Variants in APBB2 observed in about 807,000 individuals in gnomAD.
The protein encoded by APBB2 is amyloid beta precursor protein binding family B member 2.
Under a neutral mutation model 82.5 loss-of-function variants are expected in APBB2, and 38 were observed. The ratio of observed to expected loss-of-function variants is 0.46; its 90% CI spans 0.36 to 0.60. The LOEUF is 0.60. Ranked by LOEUF, APBB2 falls within the 20% of genes least tolerant of loss-of-function variation. The probability of loss-of-function intolerance (pLI) is 0.00; values close to 1 mark genes in which losing one functional copy is unlikely to be tolerated. For synonymous variants in APBB2, 341 were observed against 368.2 expected, an observed-to-expected ratio of 0.93 and a Z score of 0.85; for missense variants, 772 against 972.3, an observed-to-expected ratio of 0.79 and a Z score of 2.74.
intron 12 of APBB2, among the ~76,000 whole-genome samples, chr4:40,863,554 C>A (rs1359733663): frequency 1.3e-5 from 2 of 152,142 alleles, no homozygotes; most frequent in East Asian, 3.9e-4. Context: ...CATGATCACA[C>A]GGACAAATGA....
intron 4 of APBB2, among the ~76,000 whole-genome samples, chr4:41,059,139 T>C (rs1371285268): frequency 6.6e-6 from 1 of 151,298 alleles, no homozygotes; most frequent in African/African-American, 2.4e-5. Flanking sequence ...AGAACACCCA[T>C]GAAGCATCAG....
At chr4:41,031,669 C>A (rs927463285) in intron 5 of APBB2, among the ~76,000 whole-genome samples, 1 of 152,154 alleles carries the variant, frequency 6.6e-6, no homozygotes, top group African/African-American at 2.4e-5. Flanking sequence ...GAGGAACACA[C>A]ATCATTTTAT....
chr4:41,025,769 A>G (rs996413916), intron 5 of APBB2, among the ~76,000 whole-genome samples: 1 of 147,854 alleles, frequency 6.8e-6, no homozygotes, highest in African/African-American at 2.5e-5. Flanking sequence ...AAATACAAAA[A>G]CTAGCTGGGT....
intron 5 of APBB2, among the ~76,000 whole-genome samples, chr4:41,028,245 A>G (rs1715275569): frequency 6.6e-6 from 1 of 152,260 alleles, no homozygotes; most frequent in Non-Finnish European, 1.5e-5. Context: ...TGGAGCGCAG[A>G]GCGCACACTC....
intron 6 of APBB2, among the ~76,000 whole-genome samples, chr4:40,998,035 T>G (rs556384855): frequency 6.6e-6 from 1 of 152,196 alleles, no homozygotes; most frequent in Non-Finnish European, 1.5e-5. Flanking sequence ...AATTTGGGTA[T>G]TGGGTAGACA....
chr4:40,830,977 C>T (rs1228705325), intron 12 of APBB2, among the ~76,000 whole-genome samples: 6 of 152,136 alleles, frequency 3.9e-5, no homozygotes, highest in Non-Finnish European at 7.3e-5. Flanking sequence ...CATGTATCTG[C>T]AGTTCCAGCT....
At chr4:40,945,765 A>C (rs540873269) in intron 6 of APBB2, among the ~76,000 whole-genome samples, 1 of 152,206 alleles carries the variant, frequency 6.6e-6, no homozygotes, top group East Asian at 1.9e-4. Context: ...GGCGCTTGCC[A>C]CCACGCCAGG....
intron 3 of APBB2, among the ~76,000 whole-genome samples, chr4:41,075,617 G>A (rs1027247117): frequency 1.3e-5 from 2 of 152,192 alleles, no homozygotes; most frequent in Non-Finnish European, 2.9e-5. Context: ...TTTTCTTCCA[G>A]CTTGGACCCA....
At chr4:41,193,139 C>T (rs1286165492) in intron 1 of APBB2, among the ~76,000 whole-genome samples, 2 of 152,186 alleles carry the variant, frequency 1.3e-5, no homozygotes, top group East Asian at 3.8e-4. Context: ...ATTTTATGCG[C>T]TAAAATTGTC....
chr4:41,112,830 A>C (rs1294013820), intron 2 of APBB2, among the ~76,000 whole-genome samples: 1 of 152,106 alleles, frequency 6.6e-6, no homozygotes. Context: ...TGTACTAAAA[A>C]TGCAAAATTA....
At chr4:40,933,095 C>T (rs1328523478) in intron 10 of APBB2, among the ~76,000 whole-genome samples, 1 of 152,220 alleles carries the variant, frequency 6.6e-6, no homozygotes, top group East Asian at 1.9e-4. Context: ...AACTCCTGAC[C>T]TCAGGTGATC....
chr4:40,997,603 T>G (rs2341573), intron 6 of APBB2, among the ~76,000 whole-genome samples: 40,380 of 152,116 alleles, frequency 0.27, 6,559 homozygotes, highest in East Asian at 0.54. Flanking sequence ...AGAGCAGAAG[T>G]TCCCAAAGGG....
Position 40,964,982 on chromosome 4 carries a change from T to A in APBB2, c.836-19909A>T, listed in dbSNP as rs565484231. Among the ~76,000 whole-genome samples, 7 of 151,964 alleles carry A rather than the reference T, an allele frequency of 4.6e-5. No homozygotes were observed. In the South Asian group the frequency reaches 1.5e-3, roughly 32 times the overall value. On this transcript the variant is annotated intron_variant, in intron 6 of 17. Transcript: ENST00000508593. The stretch of plus-strand genomic sequence containing the variant: ...AAAAATATAAAAAATTAGCTGGGCG[T>A]GGTGGCACGTGCCTGTAGTCCCAGC...
At chr4:41,014,545 T>C (rs1206627669) in intron 5 of APBB2, 147 bp from the exon 6 acceptor site, 5 of 794,640 alleles carry the variant, frequency 6.3e-6, no homozygotes, top group Admixed American at 2.5e-5. Flanking sequence ...TTCCTCTTTA[T>C]TTCACCATTT....
intron 7 of APBB2, among the ~76,000 whole-genome samples, chr4:40,943,928 A>C (rs1306233401): frequency 6.6e-6 from 1 of 152,220 alleles, no homozygotes; most frequent in Non-Finnish European, 1.5e-5. Context: ...AAGGCTTACC[A>C]CCTCCCAGAG....
intron 6 of APBB2, among the ~76,000 whole-genome samples, chr4:40,982,879 T>C (rs1425014775): frequency 6.6e-6 from 1 of 152,180 alleles, no homozygotes; most frequent in Non-Finnish European, 1.5e-5. Flanking sequence ...CCTCAACATG[T>C]GACAGGCTCC....
chr4:40,926,737 G>A lies in APBB2; in HGVS notation c.1254+7719C>T, dbSNP rs532139957. On this transcript the variant is annotated intron_variant, in intron 10 of 17. Coordinates refer to ENST00000508593, the MANE Select transcript of APBB2 (RefSeq NM_004307.2). ...AAATGATCTTAAAGCTGAGAGAAGC[G>A]ATAACTGGGAACAGGTGGGCGTGAC... Among the ~76,000 whole-genome samples the A allele has an allele frequency of 3.9e-5, 6 of 152,344 alleles. No homozygotes were observed. The South Asian group carries it at 1.0e-3, about 26-fold the overall frequency.
At chr4:41,191,867 G>A (rs1250554711) in intron 1 of APBB2, among the ~76,000 whole-genome samples, 1 of 152,102 alleles carries the variant, frequency 6.6e-6, no homozygotes, top group African/African-American at 2.4e-5. Context: ...AAAAGCATTT[G>A]CAAACCATAT....
intron 12 of APBB2, among the ~76,000 whole-genome samples, chr4:40,882,385 G>A (rs1768884696): frequency 6.6e-6 from 1 of 152,162 alleles, no homozygotes; most frequent in African/African-American, 2.4e-5. Context: ...GCTTGAAGGA[G>A]GGACCCCAGG....
Sources: gnomAD v4.1 joint callset for allele counts (sites outside exome capture counted in the v4.1 genomes callset) on GRCh38, gnomAD v4.1.1 for gene constraint, MANE v1.5 for transcripts, NCBI Gene and HGNC (gene_info 2026-07-23, HGNC 2026-07-21) for gene names.